Variants in KSR1 observed in about 807,000 individuals in gnomAD.
KSR1 encodes kinase suppressor of ras.
KSR1 carries 35 observed loss-of-function variants against 92.9 expected under a neutral mutation model. The ratio of observed to expected loss-of-function variants is 0.38; its 90% CI spans 0.29 to 0.50. The LOEUF (loss-of-function observed/expected upper bound fraction) is 0.50. KSR1 is among the 20% of genes least tolerant of loss of function. The pLI is 0.94. For synonymous variants in KSR1, 467 were observed against 472.6 expected (o/e 0.99, Z 0.15); for missense variants, 972 against 1,158.5 (o/e 0.84, Z 2.34).
In KSR1 at chr17:27,617,282, G is replaced by A. The variant is rs1040958019; in HGVS notation, c.2494-13G>A. ...GCCAGCTCACACACCACTAATGGCA[G>A]CTCCATTTGCAGGAGATCCTGTCGG... is the stretch of plus-strand genomic sequence containing the variant. On this transcript the variant is annotated splice_polypyrimidine_tract_variant and intron_variant, in intron 18 of 20. Coordinates refer to ENST00000644974, the MANE Select transcript of KSR1 (RefSeq NM_001394583.1). 6.2e-7 allele frequency: 1 copy of A among 1,601,206 alleles called. No individual in the cohort carries two copies. The highest frequency in any genetic ancestry group is 1.3e-5 in the African/African-American group (1 of 74,670).
intron 2 of KSR1, among the ~76,000 whole-genome samples, chr17:27,552,813 T>G (rs1316618177): frequency 1.3e-5 from 2 of 152,202 alleles, no homozygotes; most frequent in African/African-American, 4.8e-5. Flanking sequence ...AGTGGGGTCC[T>G]GGGGCCCCTG....
chr17:27,459,491 C>T lies in KSR1; in HGVS notation c.231+2617C>T, dbSNP rs1265508236. ...ACAATCTCAGCAAGCTGGGTGGGACCGTCCACCGCCAGCAGCATGTGTTGG... is the reference window on the plus strand; with the variant it reads ...ACAATCTCAGCAAGCTGGGTGGGACTGTCCACCGCCAGCAGCATGTGTTGG... On this transcript the variant is annotated intron_variant, in intron 1 of 20. Transcript: ENST00000644974. This position sits in a 1 kb window ranked among gnomAD's most constrained non-coding sequence, Gnocchi z 4.6. Among the ~76,000 whole-genome samples the T allele has an allele frequency of 6.6e-6, 1 of 152,240 alleles. No homozygotes were observed. The highest frequency in any genetic ancestry group is 2.4e-5 in the African/African-American group (1 of 41,466).
chr17:27,603,638 A>G (rs2073644454), intron 11 of KSR1, among the ~76,000 whole-genome samples, 196 bp from the exon 12 acceptor site: 1 of 152,200 alleles, frequency 6.6e-6, no homozygotes, highest in Admixed American at 6.5e-5. Flanking sequence ...ATGCAGAAGC[A>G]GGTGCTGTGG....
chr17:27,613,104 C>T (rs186251156), intron 18 of KSR1: 7 of 152,390 alleles, frequency 4.6e-5, no homozygotes, highest in South Asian at 2.1e-4. Flanking sequence ...TTTAACAACA[C>T]GAACAGCAGG....
intron 18 of KSR1, chr17:27,613,135 A>G (rs868591178): frequency 6.6e-6 from 1 of 152,236 alleles, no homozygotes; most frequent in African/African-American, 2.4e-5. Context: ...GCCAGTTGAT[A>G]CCATTTCATC....
chr17:27,549,108 T>C (rs2071296258), intron 1 of KSR1, among the ~76,000 whole-genome samples: 1 of 152,184 alleles, frequency 6.6e-6, no homozygotes, highest in Non-Finnish European at 1.5e-5. Flanking sequence ...GGATTCGAAA[T>C]GCACAACCTA....
chr17:27,593,984 G>A (rs1423374984), intron 9 of KSR1, among the ~76,000 whole-genome samples: 2 of 152,122 alleles, frequency 1.3e-5, no homozygotes, highest in Non-Finnish European at 2.9e-5. Context: ...CTGCCCTGAT[G>A]ACCCAGTTAC....
intron 2 of KSR1, among the ~76,000 whole-genome samples, chr17:27,565,839 C>T (rs1202858266): frequency 6.6e-6 from 1 of 152,238 alleles, no homozygotes; most frequent in Non-Finnish European, 1.5e-5. Context: ...CATAACCCTG[C>T]CAGCCACTGA....
intron 1 of KSR1, among the ~76,000 whole-genome samples, chr17:27,489,244 A>G (rs1436228187): frequency 1.3e-5 from 2 of 152,168 alleles, no homozygotes; most frequent in African/African-American, 2.4e-5. Flanking sequence ...GCCCACATGC[A>G]GGGTGTGGAG....
intron 2 of KSR1, among the ~76,000 whole-genome samples, chr17:27,569,181 A>G (rs1013935144): frequency 6.6e-6 from 1 of 152,214 alleles, no homozygotes; most frequent in Non-Finnish European, 1.5e-5. Flanking sequence ...ATGTTACAAA[A>G]CATCCTGGGA....
chr17:27,614,738 G>A (rs902385554), intron 18 of KSR1, among the ~76,000 whole-genome samples: 6 of 152,168 alleles, frequency 3.9e-5, no homozygotes, highest in Non-Finnish European at 7.3e-5. Context: ...CTTTTAGTGC[G>A]GGGTGATGGT....
At position 27,531,823 on chromosome 17, in the gene KSR1, A is replaced by G. The variant is rs148995678; in HGVS notation, c.232-18745A>G. ...CTCTCTTTCATCTCCACTTGGGGAT[A>G]GTAATAACACCCACCTCCCCAGATG... On this transcript the variant is annotated intron_variant, in intron 1 of 20. Transcript: ENST00000644974. 1.6e-3 allele frequency among the ~76,000 whole-genome samples: 251 copies of G among 152,340 alleles called. 1 individual carries two copies. The highest frequency in any genetic ancestry group is 4.9e-3 in the African/African-American group (203 of 41,582).
At chr17:27,504,905 T>TA (rs2069322371) in intron 1 of KSR1, among the ~76,000 whole-genome samples, 1 of 152,192 alleles carries the variant, frequency 6.6e-6, no homozygotes, top group Non-Finnish European at 1.5e-5. Context: ...CAGCTTGACT[T>TA]ACACTCCCAG....
At chr17:27,558,111 C>T (rs948294992) in intron 2 of KSR1, 1 of 152,490 alleles carries the variant, frequency 6.6e-6, no homozygotes, top group Non-Finnish European at 1.5e-5. Context: ...TTTTCAACAC[C>T]AAGCAAGTAC....
At chr17:27,537,557 G>T (rs1424140662) in intron 1 of KSR1, among the ~76,000 whole-genome samples, 1 of 152,172 alleles carries the variant, frequency 6.6e-6, no homozygotes, top group African/African-American at 2.4e-5. Flanking sequence ...TGAGCGTGGT[G>T]GCGGGCACCT....
At chr17:27,481,030 C>T (rs531501166) in intron 1 of KSR1, among the ~76,000 whole-genome samples, 1 of 152,280 alleles carries the variant, frequency 6.6e-6, no homozygotes, top group East Asian at 1.9e-4. Context: ...CTTATTGTGT[C>T]TTTAGCTTTT....
At chr17:27,518,522 A>G (rs999541050) in intron 1 of KSR1, among the ~76,000 whole-genome samples, 1 of 152,182 alleles carries the variant, frequency 6.6e-6, no homozygotes, top group Non-Finnish European at 1.5e-5. Context: ...CTGCCCACCC[A>G]GTGCCCATTC....
At chr17:27,513,615 G>A (rs1043783227) in intron 1 of KSR1, among the ~76,000 whole-genome samples, 2 of 152,174 alleles carry the variant, frequency 1.3e-5, no homozygotes, top group African/African-American at 2.4e-5. Flanking sequence ...TGTCTGCTGG[G>A]ACCCCAGGGA....
intron 2 of KSR1, among the ~76,000 whole-genome samples, chr17:27,564,165 A>G (rs752854893): frequency 1.3e-5 from 2 of 151,504 alleles, no homozygotes; most frequent in African/African-American, 2.4e-5. Context: ...ATTTTTTTGT[A>G]TTTTTAGTAA....
Sources: gnomAD v4.1 joint callset for allele counts (sites outside exome capture counted in the v4.1 genomes callset) on GRCh38, gnomAD v4.1.1 for gene constraint, Gnocchi (gnomAD v3.1) non-coding constraint, MANE v1.5 for transcripts, NCBI Gene and HGNC (gene_info 2026-07-23, HGNC 2026-07-21) for gene names.